SASH1: variants seen among roughly 807,000 people sequenced by gnomAD.
SASH1 encodes SAM and SH3 domain-containing protein 1.
SASH1 carries 44 observed loss-of-function variants against 125.2 expected under a neutral mutation model. The observed-to-expected ratio is 0.35, with a 90% CI of 0.28 to 0.45. The LOEUF is 0.45. Ranked by LOEUF, SASH1 falls within the 20% of genes least tolerant of loss-of-function variation. The probability of loss-of-function intolerance (pLI) is 1.00; values close to 1 mark genes in which losing one functional copy is unlikely to be tolerated. For synonymous variants in SASH1, 639 were observed against 649.1 expected, an observed-to-expected ratio of 0.98 and a Z score of 0.24; for missense variants, 1,426 against 1,614.5, an observed-to-expected ratio of 0.88 and a Z score of 2.00.
intron 1 of SASH1, among the ~76,000 whole-genome samples, chr6:148,290,302 T>G (rs539129713): frequency 4.6e-5 from 7 of 151,688 alleles, no homozygotes; most frequent in Non-Finnish European, 7.4e-5. Context: ...AGTTGAGAAC[T>G]AGGAATTAAT....
At chr6:148,526,289 C>T (rs1379105574) in intron 11 of SASH1, among the ~76,000 whole-genome samples, 1 of 152,032 alleles carries the variant, frequency 6.6e-6, no homozygotes, top group Non-Finnish European at 1.5e-5. Context: ...GTCTTGAACT[C>T]CTGACCTTGT....
chr6:148,267,365 TTGTGTGTGTGTGTG>T (rs200228547), upstream of SASH1, among the ~76,000 whole-genome samples: 1 of 130,014 alleles, frequency 7.7e-6, no homozygotes, highest in Non-Finnish European at 1.6e-5. Flanking sequence ...CAGTACTACT[TTGTGTGTGTGTGTG>T]TGTGTGTGTG....
Position 148,544,840 on chromosome 6 carries a change from C to A in SASH1, c.3348+22C>A. On this transcript the variant is annotated intron_variant, in intron 18 of 19. Coordinates refer to ENST00000367467, the MANE Select transcript of SASH1 (RefSeq NM_015278.5). This position sits in a 1 kb window ranked among gnomAD's most constrained non-coding sequence, Gnocchi z 6.4. ...TAAGGTATCAAAGGTCCTGGGCCCA[C>A]CACGTTCACAGGCCTTTGTTTGTAG... is the stretch of plus-strand genomic sequence containing the variant. The A allele has an allele frequency of 1.3e-6, 2 of 1,543,170 alleles. No homozygotes were observed. Among genetic ancestry groups the A allele is most frequent in the East Asian group, 4.7e-5 (2 of 42,946 alleles).
At chr6:148,211,631 T>C in the SASH1 span, among the ~76,000 whole-genome samples, 1 of 150,948 alleles carries the variant, frequency 6.6e-6, no homozygotes, top group South Asian at 2.1e-4. Flanking sequence ...GGCATTTATA[T>C]AGGTTAGTCC....
At chr6:148,209,329 A>C in the SASH1 span, among the ~76,000 whole-genome samples, 1 of 152,212 alleles carries the variant, frequency 6.6e-6, no homozygotes, top group African/African-American at 2.4e-5. Context: ...CATCTCCCAC[A>C]TACTGCCTCT....
chr6:148,257,787 C>G, the SASH1 span, among the ~76,000 whole-genome samples: 5,453 of 152,114 alleles, frequency 0.036, 226 homozygotes, highest in Admixed American at 0.096. Flanking sequence ...CGTGCCACCA[C>G]GCCCAGCTAA....
At chr6:148,362,142 T>C (rs1485977803) in intron 1 of SASH1, among the ~76,000 whole-genome samples, 1 of 151,866 alleles carries the variant, frequency 6.6e-6, no homozygotes, top group Non-Finnish European at 1.5e-5. Flanking sequence ...TTAGCCAGGA[T>C]GGTCTCGATA....
intron 1 of SASH1, among the ~76,000 whole-genome samples, chr6:148,333,683 T>A (rs1645042106): frequency 6.6e-6 from 1 of 152,036 alleles, no homozygotes; most frequent in South Asian, 2.1e-4. Flanking sequence ...TGCCTCAGCC[T>A]CCTGAGTAGC....
chr6:148,431,847 A>G (rs1776074020), intron 2 of SASH1, among the ~76,000 whole-genome samples: 1 of 152,132 alleles, frequency 6.6e-6, no homozygotes, highest in Non-Finnish European at 1.5e-5. Context: ...TTTTAGGTTT[A>G]AAACATGGAG....
the SASH1 span, among the ~76,000 whole-genome samples, chr6:148,257,837 C>T: frequency 6.6e-6 from 1 of 151,950 alleles, no homozygotes; most frequent in Non-Finnish European, 1.5e-5. Flanking sequence ...CAACATGTTG[C>T]CCACGATGGT....
At chr6:148,474,683 C>T (rs1778262359) in intron 7 of SASH1, among the ~76,000 whole-genome samples, 2 of 152,132 alleles carry the variant, frequency 1.3e-5, no homozygotes, top group African/African-American at 2.4e-5. Flanking sequence ...GTAATCCTCC[C>T]ATGTCAGCCT....
Position 148,532,716 on chromosome 6 carries a change from C to T in SASH1, c.1565-81C>T. 2.0e-6 allele frequency: 3 copies of T among 1,506,256 alleles called. No homozygotes were observed. The highest frequency in any genetic ancestry group is 2.7e-6 in the Non-Finnish European group (3 of 1,100,688). 93.3% of individuals were successfully genotyped at this position (1,506,256 alleles called of 1,614,324 possible). On this transcript the variant is annotated intron_variant, in intron 13 of 19. Coordinates refer to ENST00000367467, the MANE Select transcript of SASH1 (RefSeq NM_015278.5). This position sits in a 1 kb window ranked among gnomAD's most constrained non-coding sequence, Gnocchi z 4.7. ...TTTCTCTGGGCCTTCATTTCCTAAT[C>T]TGCCATACCTTCAATACCTTTCTGC...
At chr6:148,308,752 T>C (rs1206420663) in intron 1 of SASH1, among the ~76,000 whole-genome samples, 1 of 151,622 alleles carries the variant, frequency 6.6e-6, no homozygotes, top group East Asian at 1.9e-4. Flanking sequence ...TAGTTTCTCA[T>C]GTCTAGAAAA....
At chr6:148,261,742 A>G in the SASH1 span, among the ~76,000 whole-genome samples, 2 of 152,080 alleles carry the variant, frequency 1.3e-5, no homozygotes, top group Non-Finnish European at 2.9e-5. Flanking sequence ...GGTATGGGGG[A>G]CAGACAACGG....
the SASH1 span, among the ~76,000 whole-genome samples, chr6:148,249,135 G>A: frequency 6.6e-6 from 1 of 152,262 alleles, no homozygotes; most frequent in South Asian, 2.1e-4. Context: ...CTTTCTCCCT[G>A]AGAAGGCTCA....
chr6:148,492,930 C>T (rs1779169553), intron 8 of SASH1, among the ~76,000 whole-genome samples: 1 of 152,194 alleles, frequency 6.6e-6, no homozygotes, highest in Non-Finnish European at 1.5e-5. Flanking sequence ...ATTTGCATTA[C>T]TAACTTCTTA....
chr6:148,446,796 C>G (rs74454780), intron 4 of SASH1, among the ~76,000 whole-genome samples: 6,140 of 152,208 alleles, frequency 0.04, 174 homozygotes, highest in Non-Finnish European at 0.061. Flanking sequence ...TGGTATGATT[C>G]CCATCTACAA....
chr6:148,340,635 C>T (rs918712158), upstream of SASH1, among the ~76,000 whole-genome samples: 2 of 152,092 alleles, frequency 1.3e-5, no homozygotes, highest in African/African-American at 4.8e-5. Context: ...AAAACCTCAT[C>T]AGCCTTAACT....
chr6:148,444,977 C>T (rs138193888), intron 4 of SASH1, among the ~76,000 whole-genome samples: 71 of 152,292 alleles, frequency 4.7e-4, no homozygotes, highest in African/African-American at 1.5e-3. Context: ...AGCATCCCTC[C>T]CTTTTTAGAC....
Sources: gnomAD v4.1 joint callset for allele counts (sites outside exome capture counted in the v4.1 genomes callset) on GRCh38, gnomAD v4.1.1 for gene constraint, Gnocchi (gnomAD v3.1) non-coding constraint, MANE v1.5 for transcripts, NCBI Gene and HGNC (gene_info 2026-07-23, HGNC 2026-07-21) for gene names.